Variants in TECPR2 observed in about 807,000 individuals in gnomAD.
TECPR2 encodes the protein tectonin beta-propeller repeat containing 2, also known as tectonin beta-propeller repeat-containing protein 2.
A neutral mutation model predicts 138.1 loss-of-function variants in TECPR2; 65 were observed. That is an observed-to-expected ratio of 0.47 (90% CI 0.39 to 0.58). The LOEUF (loss-of-function observed/expected upper bound fraction) is 0.58, where lower values mean the gene tolerates loss of function less well. Ranked by LOEUF, TECPR2 falls within the 20% of genes least tolerant of loss-of-function variation. The probability of loss-of-function intolerance (pLI) is 0.00; values close to 1 mark genes in which losing one functional copy is unlikely to be tolerated. For missense variants in TECPR2, 1,553 were observed against 1,824.5 expected, an observed-to-expected ratio of 0.85 and a Z score of 2.71; for synonymous variants, 746 against 749.8, an observed-to-expected ratio of 0.99 and a Z score of 0.08.
At position 102,408,598 on chromosome 14, in the gene TECPR2, T is replaced by C. The variant is rs2139694818; in HGVS notation, c.459T>C (p.Tyr153=). 6.2e-7 allele frequency: 1 copy of C among 1,613,428 alleles called. No individual in the cohort carries two copies. The highest frequency in any genetic ancestry group is 8.5e-7 in the Non-Finnish European group (1 of 1,179,820). ...FSGDDKGKIV[Y]SSLDLDQGLC... is the part of the protein sequence containing the mutation. Reference sequence around the variant, plus strand: ...GAGATGACAAAGGCAAAATTGTTTATTCTTCTCTGGATCTAGACCAGGTAA... The same window carrying C: ...GAGATGACAAAGGCAAAATTGTTTACTCTTCTCTGGATCTAGACCAGGTAA... The change falls in exon 4 of 20, where the codon TAT becomes TAC. Residue 153 remains tyrosine, a synonymous_variant. Transcript: ENST00000359520.
intron 2 of TECPR2, among the ~76,000 whole-genome samples, chr14:102,397,479 G>A (rs1432361174): frequency 6.6e-6 from 1 of 152,232 alleles, no homozygotes; most frequent in East Asian, 1.9e-4. Flanking sequence ...GGGGGCGGTA[G>A]CTCATGCCTG....
intron 4 of TECPR2, among the ~76,000 whole-genome samples, chr14:102,413,469 T>G (rs1055868447): frequency 6.6e-6 from 1 of 151,550 alleles, no homozygotes; most frequent in Non-Finnish European, 1.5e-5. Flanking sequence ...AACCCTTGCC[T>G]CTGGGTTCAA....
intron 17 of TECPR2, among the ~76,000 whole-genome samples, chr14:102,490,236 C>T (rs1891125000): frequency 6.6e-6 from 1 of 152,178 alleles, no homozygotes; most frequent in African/African-American, 2.4e-5. Flanking sequence ...CGTAAGAAAT[C>T]GGTTTGCTCC....
chr14:102,467,274 T>C (rs1890564956), intron 17 of TECPR2, among the ~76,000 whole-genome samples: 1 of 151,838 alleles, frequency 6.6e-6, no homozygotes, highest in Non-Finnish European at 1.5e-5. Flanking sequence ...CCATTTGTGT[T>C]CCACCAGCAA....
chr14:102,436,324 T>C (rs1889671380), intron 9 of TECPR2, among the ~76,000 whole-genome samples: 2 of 150,600 alleles, frequency 1.3e-5, no homozygotes, highest in African/African-American at 2.4e-5. Context: ...CTTTCTTTTT[T>C]TTTTTTTTTT....
In TECPR2 at chr14:102,452,361, C is replaced by T. The variant is rs373194426; in HGVS notation, c.3407-33C>T. On this transcript the variant is annotated intron_variant, in intron 15 of 19. Transcript: ENST00000359520. ...AGGGCAGGCGGCTTGGTGCAGACAA[C>T]ACCTCGATGACAAACATGACCCCTT... 1.6e-5 allele frequency: 26 copies of T among 1,588,462 alleles called. No homozygotes were observed. The African/African-American group carries it at 3.1e-4, about 19-fold the overall frequency.
intron 17 of TECPR2, among the ~76,000 whole-genome samples, chr14:102,473,372 G>A (rs976370136): frequency 6.6e-6 from 1 of 152,248 alleles, no homozygotes; most frequent in Non-Finnish European, 1.5e-5. Context: ...GGACTGGAAC[G>A]TCAGAAGAGT....
rs1237884318 is a variant in TECPR2 at position 102,435,168 on chromosome 14, G to A, written c.2351G>A (p.Ser784Asn). The change falls in exon 9 of 20, where the codon AGC (serine) becomes AAC (asparagine). Residue 784 changes from serine (S) to asparagine (N), a missense_variant. By Grantham distance (46) the Ser-to-Asn change is conservative. Coordinates refer to ENST00000359520, the MANE Select transcript of TECPR2 (RefSeq NM_014844.5). ...CCTAGTTGCTCCCAGCAGGACCTGA[G>A]CCGGCTGGGTGCAGAGGACGCCGGG... ...LGPSCSQQDL[S>N]RLGAEDAGLL... 1 of 1,613,028 alleles carries A rather than the reference G, an allele frequency of 6.2e-7. No individual in the cohort carries two copies. Among genetic ancestry groups the A allele is most frequent in the Non-Finnish European group, 8.5e-7 (1 of 1,180,010 alleles).
intron 13 of TECPR2, among the ~76,000 whole-genome samples, chr14:102,447,501 A>G (rs990477330): frequency 6.6e-6 from 1 of 152,188 alleles, no homozygotes; most frequent in Non-Finnish European, 1.5e-5. Context: ...TGTGGTAGGT[A>G]AGATTTCACT....
intron 13 of TECPR2, among the ~76,000 whole-genome samples, chr14:102,448,797 G>A (rs1181285223): frequency 2.0e-5 from 3 of 152,072 alleles, no homozygotes; most frequent in Non-Finnish European, 2.9e-5. Flanking sequence ...AACCCAGGAG[G>A]CAGAGGTTGC....
chr14:102,465,025 T>C, intron 16 of TECPR2, 116 bp from the exon 17 acceptor site: 1 of 1,302,886 alleles, frequency 7.7e-7, no homozygotes, highest in South Asian at 1.3e-5. Flanking sequence ...CAAGTTCAAT[T>C]GCAAATGCAG....
intron 5 of TECPR2, among the ~76,000 whole-genome samples, chr14:102,422,898 T>C (rs1889222916): frequency 1.3e-5 from 2 of 152,314 alleles, no homozygotes; most frequent in African/African-American, 4.8e-5. Context: ...ATTGACGGAC[T>C]GCATGTATGA....
rs1891437162 is a variant in TECPR2 at position 102,501,626 on chromosome 14, G to T, written c.*3369G>T. 6.6e-6 allele frequency: 1 copy of T among 152,150 alleles called. No homozygotes were observed. Among genetic ancestry groups the T allele is most frequent in the Non-Finnish European group, 1.5e-5 (1 of 68,032 alleles). 9.4% of individuals were successfully genotyped at this position (152,150 alleles called of 1,614,324 possible). On this transcript the variant is annotated 3_prime_UTR_variant, in exon 20 of 20. Coordinates refer to ENST00000359520, the MANE Select transcript of TECPR2 (RefSeq NM_014844.5). ...AGAAGGGAAATAATTGCAACAAATG[G>T]GAATTGATGTTGAATATTTACCTTA...
At chr14:102,468,313 G>C (rs541761350) in intron 17 of TECPR2, among the ~76,000 whole-genome samples, 2 of 152,030 alleles carry the variant, frequency 1.3e-5, no homozygotes, top group African/African-American at 4.8e-5. Flanking sequence ...TCAGTCTCCT[G>C]AGTAGCTAGG....
chr14:102,470,322 T>C (rs1890630323), intron 17 of TECPR2, among the ~76,000 whole-genome samples: 1 of 151,870 alleles, frequency 6.6e-6, no homozygotes, highest in Non-Finnish European at 1.5e-5. Context: ...TTTTTTTTTT[T>C]TCTGACATGG....
At chr14:102,461,198 A>G (rs1005797148) in intron 16 of TECPR2, among the ~76,000 whole-genome samples, 4 of 152,196 alleles carry the variant, frequency 2.6e-5, no homozygotes, top group Non-Finnish European at 2.9e-5. Flanking sequence ...ATCACTTAGC[A>G]GATATTTAAG....
chr14:102,438,422 G>A, intron 10 of TECPR2: 1 of 542,266 alleles, frequency 1.8e-6, no homozygotes. Flanking sequence ...AGTGTAAATG[G>A]GTGTTCAGTT....
intron 16 of TECPR2, among the ~76,000 whole-genome samples, chr14:102,462,839 A>G (rs1241724890): frequency 6.6e-6 from 1 of 152,262 alleles, no homozygotes; most frequent in Non-Finnish European, 1.5e-5. Flanking sequence ...TACAATGTGC[A>G]GAGAACTCCT....
intron 7 of TECPR2, among the ~76,000 whole-genome samples, chr14:102,428,606 C>T (rs1196664694): frequency 1.1e-4 from 17 of 151,618 alleles, no homozygotes; most frequent in Admixed American, 8.5e-4. Context: ...ACCAAAAATA[C>T]AAAAAACTAG....
Sources: gnomAD v4.1 joint callset for allele counts (sites outside exome capture counted in the v4.1 genomes callset) on GRCh38, gnomAD v4.1.1 for gene constraint, MANE v1.5 for transcripts, NCBI Gene and HGNC (gene_info 2026-07-23, HGNC 2026-07-21) for gene names.